Variants in RPS6KC1 observed in about 807,000 individuals in gnomAD.
RPS6KC1 encodes inactive ribosomal protein S6 kinase delta-1.
In RPS6KC1, 54 loss-of-function variants were observed where a neutral mutation model predicts 103.8. The observed-to-expected ratio is 0.52, with a 90% CI of 0.42 to 0.65. RPS6KC1 has a LOEUF of 0.65. Ranked by LOEUF, RPS6KC1 falls within the 30% of genes least tolerant of loss-of-function variation. RPS6KC1 has a pLI of 0.00. For synonymous variants in RPS6KC1, 439 were observed against 438.7 expected (o/e 1.00, Z -0.01); for missense variants, 1,151 against 1,253.8 (o/e 0.92, Z 1.24).
At chr1:213,859,879 T>G in the RPS6KC1 span, among the ~76,000 whole-genome samples, 1 of 152,184 alleles carries the variant, frequency 6.6e-6, no homozygotes, top group East Asian at 1.9e-4. Context: ...AGTTGATGTA[T>G]GCTTACATTG....
chr1:213,362,967 A>C, the RPS6KC1 span, among the ~76,000 whole-genome samples: 7 of 152,156 alleles, frequency 4.6e-5, no homozygotes. Flanking sequence ...GTCAGCCTGC[A>C]TAACTGTGTG....
chr1:213,764,722 G>A, the RPS6KC1 span, among the ~76,000 whole-genome samples: 1 of 152,158 alleles, frequency 6.6e-6, no homozygotes, highest in African/African-American at 2.4e-5. Flanking sequence ...GTGCAAGCTG[G>A]AGTGTTGGTT....
chr1:213,355,536 CAT>C, the RPS6KC1 span, among the ~76,000 whole-genome samples: 2 of 152,128 alleles, frequency 1.3e-5, no homozygotes, highest in Non-Finnish European at 2.9e-5. Context: ...AAGTGAGACA[CAT>C]AGCATCTTGC....
the RPS6KC1 span, among the ~76,000 whole-genome samples, chr1:213,795,500 T>C: frequency 2.0e-5 from 3 of 152,234 alleles, no homozygotes; most frequent in Non-Finnish European, 4.4e-5. Context: ...GATGCTTTAG[T>C]GTGAGAGTGT....
At chr1:213,850,364 T>A in the RPS6KC1 span, among the ~76,000 whole-genome samples, 2 of 152,206 alleles carry the variant, frequency 1.3e-5, no homozygotes, top group Non-Finnish European at 2.9e-5. Context: ...ACACTGTGTG[T>A]TTTACTGTGA....
At chr1:213,312,608 T>C in the RPS6KC1 span, among the ~76,000 whole-genome samples, 1 of 152,166 alleles carries the variant, frequency 6.6e-6, no homozygotes, top group Non-Finnish European at 1.5e-5. Context: ...GGCATTTCTC[T>C]TGCACTGTGG....
chr1:213,337,726 A>G, the RPS6KC1 span, among the ~76,000 whole-genome samples: 1 of 152,154 alleles, frequency 6.6e-6, no homozygotes, highest in Non-Finnish European at 1.5e-5. Flanking sequence ...TTATTCATTC[A>G]ACAGATATTT....
the RPS6KC1 span, among the ~76,000 whole-genome samples, chr1:213,512,272 A>C: frequency 4.6e-5 from 7 of 152,336 alleles, no homozygotes; most frequent in South Asian, 1.5e-3. Context: ...CCAAAGGAAG[A>C]TCCTGGCAAG....
the RPS6KC1 span, among the ~76,000 whole-genome samples, chr1:213,460,000 C>T: frequency 6.6e-6 from 1 of 152,080 alleles, no homozygotes; most frequent in Non-Finnish European, 1.5e-5. Context: ...GTTTTACTTC[C>T]AATTATGTGG....
chr1:213,660,666 A>G, the RPS6KC1 span, among the ~76,000 whole-genome samples: 1 of 152,308 alleles, frequency 6.6e-6, no homozygotes, highest in South Asian at 2.1e-4. Context: ...GAATGGAATG[A>G]CAGACTCATG....
intron 10 of RPS6KC1, among the ~76,000 whole-genome samples, chr1:213,233,839 CCATT>C (rs907361649): frequency 1.3e-5 from 2 of 151,928 alleles, no homozygotes; most frequent in African/African-American, 4.8e-5. Flanking sequence ...TCTCTTTTGA[CCATT>C]CATTTTAGGT....
chr1:213,712,758 T>A, the RPS6KC1 span, among the ~76,000 whole-genome samples: 1 of 152,306 alleles, frequency 6.6e-6, no homozygotes, highest in Non-Finnish European at 1.5e-5. Context: ...TTCCCTGGGC[T>A]TGGGGAGGGA....
intron 8 of RPS6KC1, among the ~76,000 whole-genome samples, chr1:213,216,502 A>C (rs2093664151): frequency 6.6e-6 from 1 of 152,352 alleles, no homozygotes; most frequent in South Asian, 2.1e-4. Context: ...AATTGAACTC[A>C]GCTCTGCACC....
chr1:213,500,586 C>T, the RPS6KC1 span, among the ~76,000 whole-genome samples: 14 of 152,202 alleles, frequency 9.2e-5, no homozygotes, highest in East Asian at 1.5e-3. Flanking sequence ...TGACTGGCAG[C>T]GCAGTAGGTT....
At chr1:213,514,776 G>A in the RPS6KC1 span, among the ~76,000 whole-genome samples, 1 of 152,158 alleles carries the variant, frequency 6.6e-6, no homozygotes, top group African/African-American at 2.4e-5. Context: ...AATGGTATTT[G>A]TAATTCTAGA....
Position 213,187,992 on chromosome 1 carries a change from G to A in RPS6KC1, c.1044+11500G>A, listed in dbSNP as rs549420434. 2.2e-4 allele frequency among the ~76,000 whole-genome samples: 33 copies of A among 152,054 alleles called. No individual in the cohort carries two copies. The South Asian group carries it at 6.9e-3, about 32-fold the overall frequency. On this transcript the variant is annotated intron_variant, in intron 8 of 14. Coordinates refer to ENST00000366960, the MANE Select transcript of RPS6KC1 (RefSeq NM_012424.6). ...GCTCTGAAGGTGAGAGGTCCCAAAG[G>A]GATTAGGCTGGCAGTGTGTTAAGGC...
intron 6 of RPS6KC1, among the ~76,000 whole-genome samples, chr1:213,141,041 C>T (rs1161178877): frequency 2.0e-5 from 3 of 151,776 alleles, no homozygotes; most frequent in Non-Finnish European, 2.9e-5. Flanking sequence ...GGATTACAGG[C>T]GCCCATCACC....
chr1:213,689,772 T>C, the RPS6KC1 span, among the ~76,000 whole-genome samples: 1 of 152,232 alleles, frequency 6.6e-6, no homozygotes, highest in Non-Finnish European at 1.5e-5. Context: ...GTTGCCATAG[T>C]TCTGCCGCAG....
the RPS6KC1 span, among the ~76,000 whole-genome samples, chr1:213,589,938 G>GGT: frequency 0.088 from 11,625 of 132,572 alleles, 580 homozygotes; most frequent in East Asian, 0.21. Context: ...AAAAGGTAGT[G>GGT]GTGTGTGTGT....
Sources: gnomAD v4.1 joint callset for allele counts (sites outside exome capture counted in the v4.1 genomes callset) on GRCh38, gnomAD v4.1.1 for gene constraint, MANE v1.5 for transcripts, NCBI Gene and HGNC (gene_info 2026-07-23, HGNC 2026-07-21) for gene names.